ZNF804B: variants seen among roughly 807,000 people sequenced by gnomAD.
ZNF804B encodes zinc finger 804B.
Under a neutral mutation model 101.4 loss-of-function variants are expected in ZNF804B, and 80 were observed. The observed-to-expected ratio is 0.79, with a 90% CI of 0.66 to 0.95. The LOEUF (loss-of-function observed/expected upper bound fraction) is 0.95, where lower values mean the gene tolerates loss of function less well. ZNF804B is among the 40% of genes least tolerant of loss of function. The pLI, the probability that ZNF804B is intolerant of heterozygous loss-of-function variation, is 0.00. For missense variants in ZNF804B, 1,673 were observed against 1,561.9 expected (o/e 1.07, Z -1.20); for synonymous variants, 622 against 558.8 (o/e 1.11, Z -1.59).
chr7:88,984,003 T>C (rs1562850978), intron 1 of ZNF804B, among the ~76,000 whole-genome samples: 3 of 152,110 alleles, frequency 2.0e-5, no homozygotes, highest in Non-Finnish European at 1.5e-5. Context: ...ATCAAATCCA[T>C]AAATAAGACA....
At chr7:89,226,381 G>T (rs977518574) in intron 2 of ZNF804B, among the ~76,000 whole-genome samples, 7 of 151,844 alleles carry the variant, frequency 4.6e-5, no homozygotes, top group African/African-American at 1.7e-4. Context: ...AAATTATGGT[G>T]GACTTAAACT....
At position 89,044,295 on chromosome 7, in the gene ZNF804B, TC is replaced by T. The variant is rs200964377; in HGVS notation, c.109-173857del. On this transcript the variant is annotated intron_variant, in intron 1 of 3. Coordinates refer to ENST00000333190, the MANE Select transcript of ZNF804B (RefSeq NM_181646.5). The stretch of plus-strand genomic sequence containing the variant: ...CATGATTGTAAGTTTCCTGAGGCCT[TC>T]CCAGCCCTGTGGAACAGTGAGTCAA... Among the ~76,000 whole-genome samples, 62 of 152,272 alleles carry T rather than the reference TC, an allele frequency of 4.1e-4. No individual in the cohort carries two copies. In the East Asian group the frequency reaches 0.011, roughly 27 times the overall value.
rs2115922351 is a variant in ZNF804B at position 89,301,288 on chromosome 7, G to A, written c.250-26056G>A. Among the ~76,000 whole-genome samples the A allele has an allele frequency of 2.0e-5, 3 of 151,484 alleles. 1 individual carries two copies. The highest frequency in any genetic ancestry group is 6.8e-3 in the Middle Eastern group (2 of 294). ...GTTTATTCATGGATGGCTGAAACAT[G>A]CTTATTATTTATATCAACTAAATAA... On this transcript the variant is annotated intron_variant, in intron 2 of 3. Coordinates refer to ENST00000333190, the MANE Select transcript of ZNF804B (RefSeq NM_181646.5).
chr7:89,056,307 A>G (rs1292473965), intron 1 of ZNF804B, among the ~76,000 whole-genome samples: 1 of 152,124 alleles, frequency 6.6e-6, no homozygotes, highest in Non-Finnish European at 1.5e-5. Flanking sequence ...CCAGGGGCAC[A>G]TACCCTGGTT....
chr7:88,817,086 C>T (rs1205931394), intron 1 of ZNF804B, among the ~76,000 whole-genome samples: 2 of 152,076 alleles, frequency 1.3e-5, no homozygotes, highest in African/African-American at 4.8e-5. Context: ...TTTGTAGGGA[C>T]ATGGATGAAG....
intron 1 of ZNF804B, among the ~76,000 whole-genome samples, chr7:88,845,301 G>A (rs13222866): frequency 0.38 from 56,993 of 149,942 alleles, 13,098 homozygotes; most frequent in African/African-American, 0.65. Context: ...GCACGCGCGC[G>A]CACACACACA....
At chr7:89,057,766 A>G (rs1302433866) in intron 1 of ZNF804B, among the ~76,000 whole-genome samples, 2 of 152,034 alleles carry the variant, frequency 1.3e-5, no homozygotes, top group African/African-American at 2.4e-5. Flanking sequence ...GATGTGTTTT[A>G]TTATTCTGTA....
intron 1 of ZNF804B, among the ~76,000 whole-genome samples, chr7:89,118,753 G>A (rs1790354531): frequency 6.6e-6 from 1 of 151,990 alleles, no homozygotes; most frequent in Non-Finnish European, 1.5e-5. Flanking sequence ...AAAATTTTTT[G>A]TGGGAAAGTA....
At chr7:88,775,607 G>C (rs1172875447) in intron 1 of ZNF804B, among the ~76,000 whole-genome samples, 1 of 152,122 alleles carries the variant, frequency 6.6e-6, no homozygotes, top group Non-Finnish European at 1.5e-5. Flanking sequence ...CAAGAAAATA[G>C]GAGTTCCAAA....
At chr7:89,052,178 C>T (rs1789216842) in intron 1 of ZNF804B, among the ~76,000 whole-genome samples, 1 of 152,046 alleles carries the variant, frequency 6.6e-6, no homozygotes, top group Non-Finnish European at 1.5e-5. Flanking sequence ...CAGTCCGTCA[C>T]CAAGGCTGGA....
chr7:88,830,503 A>T lies in ZNF804B; in HGVS notation c.108+70419A>T, dbSNP rs183204594. 9.2e-5 allele frequency among the ~76,000 whole-genome samples: 14 copies of T among 152,110 alleles called. 1 individual carries two copies. In the East Asian group the frequency reaches 2.7e-3, roughly 29 times the overall value. ...TGCATTTTTATAACCTTCTTTTTAT[A>T]CTCAAAATGTTAACACACCCTTACA... On this transcript the variant is annotated intron_variant, in intron 1 of 3. Coordinates refer to ENST00000333190, the MANE Select transcript of ZNF804B (RefSeq NM_181646.5).
At chr7:88,836,712 A>ATC (rs757403415) in intron 1 of ZNF804B, among the ~76,000 whole-genome samples, 40 of 151,040 alleles carry the variant, frequency 2.6e-4, no homozygotes, top group Non-Finnish European at 4.7e-4. Context: ...AGAGCATGCT[A>ATC]TCTCTCTCTC....
chr7:89,139,443 C>G (rs972644913), intron 1 of ZNF804B, among the ~76,000 whole-genome samples: 3 of 152,040 alleles, frequency 2.0e-5, no homozygotes, highest in Non-Finnish European at 4.4e-5. Flanking sequence ...CTGTAACCTG[C>G]AATGCTGTTT....
At chr7:88,820,027 C>T (rs891809980) in intron 1 of ZNF804B, among the ~76,000 whole-genome samples, 1 of 152,114 alleles carries the variant, frequency 6.6e-6, no homozygotes, top group Non-Finnish European at 1.5e-5. Context: ...GTAATGAAAG[C>T]TCTACTCAAA....
chr7:89,335,301 C>T lies in ZNF804B; in HGVS notation c.2319C>T (p.Ser773=), dbSNP rs770261158. The T allele has an allele frequency of 4.3e-6, 7 of 1,613,510 alleles. No individual in the cohort carries two copies. The highest frequency in any genetic ancestry group is 5.9e-6 in the Non-Finnish European group (7 of 1,179,928). ...TGTCTGATGATATAACAAAGAGCAG[C>T]CAAATGCAGTCTGAACCACAGAAAG... ...FYLSDDITKS[S]QMQSEPQKER... is the part of the protein sequence containing the mutation. The change falls in exon 4 of 4, where the codon AGC becomes AGT. Residue 773 remains serine, a synonymous_variant. Transcript: ENST00000333190.
At chr7:89,015,972 A>G (rs1048701957) in intron 1 of ZNF804B, among the ~76,000 whole-genome samples, 3 of 151,932 alleles carry the variant, frequency 2.0e-5, no homozygotes, top group Non-Finnish European at 4.4e-5. Context: ...AAGTGTTCCT[A>G]TTTCTCCACA....
intron 1 of ZNF804B, among the ~76,000 whole-genome samples, chr7:88,906,968 C>T (rs1235562058): frequency 6.6e-6 from 1 of 151,790 alleles, no homozygotes; most frequent in Non-Finnish European, 1.5e-5. Context: ...TTGAATTGTA[C>T]CCTTTGTCAT....
At chr7:88,975,895 T>G (rs561084630) in intron 1 of ZNF804B, among the ~76,000 whole-genome samples, 72 of 151,768 alleles carry the variant, frequency 4.7e-4, no homozygotes, top group Non-Finnish European at 1.5e-5. Context: ...CTTTTAGTAG[T>G]TTAATAGTTT....
chr7:89,075,185 G>A (rs1458943490), intron 1 of ZNF804B, among the ~76,000 whole-genome samples: 1 of 152,206 alleles, frequency 6.6e-6, no homozygotes, highest in East Asian at 1.9e-4. Context: ...TCAGAAATTT[G>A]CATAAGTAAT....
Sources: gnomAD v4.1 joint callset for allele counts (sites outside exome capture counted in the v4.1 genomes callset) on GRCh38, gnomAD v4.1.1 for gene constraint, MANE v1.5 for transcripts, NCBI Gene and HGNC (gene_info 2026-07-23, HGNC 2026-07-21) for gene names.